The following L3MBTL1 variants were observed in gnomAD, a reference collection of about 807,000 sequenced individuals.
L3MBTL1 encodes L3MBTL histone methyl-lysine binding protein 1, also known as lethal(3)malignant brain tumor-like protein 1.
A neutral mutation model predicts 105.3 loss-of-function variants in L3MBTL1; 75 were observed. The ratio of observed to expected loss-of-function variants is 0.71; its 90% confidence interval spans 0.59 to 0.86. The LOEUF is 0.86. L3MBTL1 is among the 40% of genes least tolerant of loss of function. The probability of loss-of-function intolerance (pLI) is 0.00; values close to 1 mark genes in which losing one functional copy is unlikely to be tolerated. For synonymous variants in L3MBTL1, 452 were observed against 436.2 expected (o/e 1.04, Z -0.45); for missense variants, 1,069 against 1,126.4 (o/e 0.95, Z 0.73).
intron 7 of L3MBTL1, among the ~76,000 whole-genome samples, chr20:43,521,514 GAA>G (rs2018703204): frequency 6.6e-6 from 1 of 152,176 alleles, no homozygotes. Flanking sequence ...AGTGTGGTAA[GAA>G]AGAAATGCCA....
In L3MBTL1 at chr20:43,513,937, G is replaced by A; in HGVS notation, c.236G>A (p.Cys79Tyr). 6.5e-7 allele frequency: 1 copy of A among 1,550,196 alleles called. No homozygotes were observed. The highest frequency in any genetic ancestry group is 1.7e-4 in the Middle Eastern group (1 of 5,980). Residue 79 changes from cysteine to tyrosine, a missense_variant, in exon 3 of 22, where the codon TGC (cysteine) becomes TAC (tyrosine). Transcript: ENST00000418998. ...GGTGCCCCGGAGCAAGTGGCCGGCTGCGAACCAGTTTCTGCCACCGTCCTG... is the reference window on the plus strand; with the variant it reads ...GGTGCCCCGGAGCAAGTGGCCGGCTACGAACCAGTTTCTGCCACCGTCCTG... ...HVGAPEQVAG[C>Y]EPVSATVLPQ... is the part of the protein sequence containing the mutation.
chr20:43,509,796 G>T (rs1002655550), intron 1 of L3MBTL1, among the ~76,000 whole-genome samples: 1 of 152,202 alleles, frequency 6.6e-6, no homozygotes, highest in African/African-American at 2.4e-5. Flanking sequence ...GACACAGAGT[G>T]AAATTCTTTC....
At chr20:43,515,939 G>A (rs766973223) in intron 6 of L3MBTL1, 154 bp from the exon 7 acceptor site, 7 of 614,110 alleles carry the variant, frequency 1.1e-5, no homozygotes, top group Non-Finnish European at 2.1e-5. Flanking sequence ...ATGTCTGCTG[G>A]AGCTGCACTC....
chr20:43,537,278 C>A (rs942983389), intron 19 of L3MBTL1, among the ~76,000 whole-genome samples: 1 of 152,216 alleles, frequency 6.6e-6, no homozygotes, highest in Non-Finnish European at 1.5e-5. Context: ...TTCCACAGTT[C>A]TGGAGGCCAG....
rs541049478 is a variant in L3MBTL1 at position 43,522,780 on chromosome 20, CTTT to C, written c.863-5859_863-5857del. Among the ~76,000 whole-genome samples, 454 of 118,072 alleles carry C rather than the reference CTTT, an allele frequency of 3.8e-3. 2 individuals are homozygous for C. The highest frequency in any genetic ancestry group is 0.013 in the African/African-American group (406 of 31,536). 77.5% of individuals were successfully genotyped at this position (118,072 alleles called of 152,430 possible). ...AGCCACTGTGCCCGGCCAACGGTGT[CTTT>C]TTTTTTTTTTTTTTTTTCCTAAAGT... On this transcript the variant is annotated intron_variant, in intron 7 of 21. Transcript: ENST00000418998.
intron 7 of L3MBTL1, among the ~76,000 whole-genome samples, chr20:43,519,913 C>T (rs183839212): frequency 2.6e-5 from 4 of 152,142 alleles, no homozygotes; most frequent in Admixed American, 6.5e-5. Context: ...TATAAGGTAC[C>T]GGTTCTTAAT....
At chr20:43,518,918 C>T (rs8124615) in intron 7 of L3MBTL1, among the ~76,000 whole-genome samples, 14,860 of 144,332 alleles carry the variant, frequency 0.1, 1,501 homozygotes, top group African/African-American at 0.25. Context: ...CTCAGCTACT[C>T]GGGAGGCTGA....
intron 14 of L3MBTL1, 60 bp from the exon 15 acceptor site, chr20:43,534,224 C>T: frequency 6.4e-7 from 1 of 1,569,804 alleles, no homozygotes; most frequent in Non-Finnish European, 8.7e-7. Flanking sequence ...TGGGCTCCCT[C>T]TGTGGGGCTC....
At chr20:43,530,667 T>G in intron 10 of L3MBTL1, 131 bp from the exon 11 acceptor site, 1 of 888,732 alleles carries the variant, frequency 1.1e-6, no homozygotes, top group Non-Finnish European at 1.8e-6. Context: ...TAGTGGGGAA[T>G]CCCTGGGCAA....
intron 7 of L3MBTL1, among the ~76,000 whole-genome samples, chr20:43,517,977 A>G (rs550018327): frequency 6.6e-6 from 1 of 152,350 alleles, no homozygotes; most frequent in Admixed American, 6.5e-5. Flanking sequence ...AGACTTATGC[A>G]GAGGAAAGAA....
chr20:43,508,003 C>T (rs975116357), intron 1 of L3MBTL1, among the ~76,000 whole-genome samples: 2 of 152,148 alleles, frequency 1.3e-5, no homozygotes, highest in Non-Finnish European at 2.9e-5. Flanking sequence ...GGGCTGCGAT[C>T]AGGAGGGGCG....
intron 1 of L3MBTL1, among the ~76,000 whole-genome samples, chr20:43,508,799 G>A (rs553340390): frequency 2.0e-5 from 3 of 152,246 alleles, no homozygotes; most frequent in Non-Finnish European, 4.4e-5. Context: ...CTGAACTGCT[G>A]ATGTAGTCTC....
chr20:43,513,493 G>C lies in L3MBTL1; in HGVS notation c.-11G>C. On this transcript the variant is annotated 5_prime_UTR_variant, in exon 2 of 22. Coordinates refer to ENST00000418998, the MANE Select transcript of L3MBTL1 (RefSeq NM_001377303.1). ...GCTTGTAGGCCTGCCAGGATGGAGG[G>C]GCATGCTGGGATGGAGGGGCATGCT... 1.3e-6 allele frequency: 2 copies of C among 1,549,934 alleles called. No individual in the cohort carries two copies. Among genetic ancestry groups the C allele is most frequent in the Non-Finnish European group, 1.7e-6 (2 of 1,146,576 alleles).
chr20:43,542,698 C>T (rs542275129), downstream of L3MBTL1, among the ~76,000 whole-genome samples: 5 of 151,746 alleles, frequency 3.3e-5, no homozygotes, highest in East Asian at 9.7e-4. Flanking sequence ...TTAGTCAGTC[C>T]GCACCCCAAA....
chr20:43,521,857 T>G (rs1237530365), intron 7 of L3MBTL1, among the ~76,000 whole-genome samples: 2 of 152,204 alleles, frequency 1.3e-5, no homozygotes, highest in African/African-American at 4.8e-5. Context: ...CTGGCTCCCC[T>G]TTTTTATTTA....
intron 9 of L3MBTL1, among the ~76,000 whole-genome samples, chr20:43,529,959 G>A (rs2019241645): frequency 1.3e-5 from 2 of 152,218 alleles, no homozygotes; most frequent in South Asian, 2.1e-4. Context: ...AGAGAAGGTA[G>A]CAGAGGGAGC....
At position 43,536,243 on chromosome 20, in the gene L3MBTL1, A is replaced by G. The variant is rs750328448; in HGVS notation, c.2072A>G (p.Lys691Arg). Residue 691 changes from lysine (K) to arginine (R), a missense_variant, in exon 18 of 22, where the codon AAG becomes AGG. Transcript: ENST00000418998. Reference sequence around the variant, plus strand: ...TCTGACTCGGAGGCCTCAGCCCGCAAGAAGAACCTCTCAGGCTTCTCCCCA... The same window carrying G: ...TCTGACTCGGAGGCCTCAGCCCGCAGGAAGAACCTCTCAGGCTTCTCCCCA... ...ELSDSEASAR[K>R]KNLSGFSPRK... The G allele has an allele frequency of 8.7e-6, 14 of 1,612,568 alleles. No individual in the cohort carries two copies. Among genetic ancestry groups the G allele is most frequent in the Middle Eastern group, 1.6e-4 (1 of 6,062 alleles).
intron 19 of L3MBTL1, chr20:43,539,268 C>T (rs886462673): frequency 6.5e-6 from 1 of 152,686 alleles, no homozygotes; most frequent in Non-Finnish European, 1.5e-5. Context: ...GCCAATGCTC[C>T]TGGACCATGG....
intron 3 of L3MBTL1, 182 bp from the exon 4 acceptor site, chr20:43,514,453 G>A (rs568590819): frequency 1.3e-6 from 2 of 1,494,922 alleles, no homozygotes; most frequent in African/African-American, 2.8e-5. Flanking sequence ...AGGTGCTTGG[G>A]GGCGTAGCCT....
Sources: gnomAD v4.1 joint callset for allele counts (sites outside exome capture counted in the v4.1 genomes callset) on GRCh38, gnomAD v4.1.1 for gene constraint, MANE v1.5 for transcripts, NCBI Gene and HGNC (gene_info 2026-07-23, HGNC 2026-07-21) for gene names.